Variants in RBFOX1 observed in about 807,000 individuals in gnomAD.
RBFOX1 encodes RNA binding protein fox-1 homolog 1.
Under a neutral mutation model 57.7 loss-of-function variants are expected in RBFOX1, and 8 were observed. That is an observed-to-expected ratio of 0.14 (90% CI 0.08 to 0.25). RBFOX1 has a LOEUF of 0.25. Among genes scored for constraint, RBFOX1 ranks in the 10% least tolerant of loss-of-function variants. The pLI is 1.00. For missense variants in RBFOX1, 611 were observed against 548.5 expected (o/e 1.11, Z -1.14); for synonymous variants, 326 against 222.4 (o/e 1.47, Z -4.15).
chr16:7,179,453 T>G (rs1464482490), intron 4 of RBFOX1, among the ~76,000 whole-genome samples: 1 of 152,210 alleles, frequency 6.6e-6, no homozygotes, highest in Non-Finnish European at 1.5e-5. Flanking sequence ...GGCCTCCTCT[T>G]GAACTGATTT....
chr16:6,161,971 C>G (rs2096882828), intron 1 of RBFOX1, among the ~76,000 whole-genome samples: 2 of 152,196 alleles, frequency 1.3e-5, no homozygotes, highest in African/African-American at 4.8e-5. Context: ...TCACAGCCAA[C>G]TAAGGGTACT....
At chr16:7,343,528 TC>T (rs2096937157) in intron 4 of RBFOX1, among the ~76,000 whole-genome samples, 1 of 152,184 alleles carries the variant, frequency 6.6e-6, no homozygotes, top group Non-Finnish European at 1.5e-5. Flanking sequence ...AATTCATACT[TC>T]CGTCATATTC....
intron 4 of RBFOX1, among the ~76,000 whole-genome samples, chr16:7,517,352 A>G (rs1567625170): frequency 6.6e-6 from 1 of 152,034 alleles, no homozygotes; most frequent in Admixed American, 6.6e-5. Context: ...ATTGTTATAT[A>G]ATACTCTGTG....
At chr16:6,415,477 C>T (rs141747340) in intron 2 of RBFOX1, among the ~76,000 whole-genome samples, 39 of 151,640 alleles carry the variant, frequency 2.6e-4, no homozygotes, top group African/African-American at 6.0e-4. Context: ...TCGAGGAGGG[C>T]GGATCACGAG....
chr16:6,664,469 C>A (rs564341560), intron 3 of RBFOX1, among the ~76,000 whole-genome samples: 1 of 152,304 alleles, frequency 6.6e-6, no homozygotes, highest in East Asian at 1.9e-4. Context: ...GCCTCAGCTC[C>A]TTTGCTCAGT....
chr16:5,313,961 C>T (rs755987827), intron 1 of RBFOX1, among the ~76,000 whole-genome samples: 2 of 152,116 alleles, frequency 1.3e-5, no homozygotes, highest in Non-Finnish European at 2.9e-5. Context: ...TGTGTCCTTT[C>T]TCTGGGTAAG....
chr16:6,413,318 TCAA>T (rs2093523821), intron 2 of RBFOX1, among the ~76,000 whole-genome samples: 1 of 61,450 alleles, frequency 1.6e-5, no homozygotes, highest in East Asian at 4.2e-4. Flanking sequence ...AAACTACATC[TCAA>T]AAAAAAAAAA....
intron 4 of RBFOX1, among the ~76,000 whole-genome samples, chr16:7,190,568 G>T (rs1223228281): frequency 6.6e-6 from 1 of 151,950 alleles, no homozygotes; most frequent in Non-Finnish European, 1.5e-5. Context: ...AGAAGGGAAA[G>T]TAGAGGAGGT....
chr16:6,905,027 G>A (rs974038703), intron 3 of RBFOX1, among the ~76,000 whole-genome samples: 1 of 151,994 alleles, frequency 6.6e-6, no homozygotes, highest in African/African-American at 2.4e-5. Context: ...AGAGTTAGAG[G>A]AATTTTTCAA....
At chr16:5,819,385 C>T (rs1274989222) in intron 3 of RBFOX1, among the ~76,000 whole-genome samples, 1 of 152,180 alleles carries the variant, frequency 6.6e-6, no homozygotes, top group Non-Finnish European at 1.5e-5. Context: ...TAGACCACAG[C>T]ACCTGGGAGG....
At chr16:7,184,436 C>G (rs1479855234) in intron 4 of RBFOX1, among the ~76,000 whole-genome samples, 5 of 152,214 alleles carry the variant, frequency 3.3e-5, no homozygotes. Context: ...ACAAACACCT[C>G]ATGACCCAGG....
intron 2 of RBFOX1, among the ~76,000 whole-genome samples, chr16:5,525,152 G>A (rs966452385): frequency 6.6e-6 from 1 of 152,136 alleles, no homozygotes; most frequent in Non-Finnish European, 1.5e-5. Flanking sequence ...GGATTGTGAT[G>A]CTCCCAGGGC....
At chr16:6,565,584 C>G (rs2097253278) in intron 2 of RBFOX1, among the ~76,000 whole-genome samples, 1 of 151,676 alleles carries the variant, frequency 6.6e-6, no homozygotes, top group South Asian at 2.1e-4. Context: ...TCTCCTGCCT[C>G]AGCCTCCCAA....
Position 5,955,284 on chromosome 16 carries a change from A to AATAAT in RBFOX1, c.351+87953_351+87954insTATAA, listed in dbSNP as rs1486753325. 2.7e-3 allele frequency among the ~76,000 whole-genome samples: 64 copies of AATAAT among 23,896 alleles called. 1 individual carries two copies. Among genetic ancestry groups the AATAAT allele is most frequent in the African/African-American group, 0.016 (61 of 3,720 alleles). The allele number at this position is 23,896 out of a possible 152,430, so 15.7% of individuals were successfully genotyped here. On this transcript the variant is annotated intron_variant, in intron 4 of 19. Transcript: ENST00000641259. Reference sequence around the variant, plus strand: ...TGACAAGAGTGAGACTCTGTCTCCCAATAAAATAAAATAAAATAAAATAAA... The same window carrying AATAAT: ...TGACAAGAGTGAGACTCTGTCTCCCAATAATATAAAATAAAATAAAATAAAATAAA...
At chr16:6,545,144 C>T (rs2096877521) in intron 2 of RBFOX1, among the ~76,000 whole-genome samples, 1 of 152,140 alleles carries the variant, frequency 6.6e-6, no homozygotes, top group Admixed American at 6.5e-5. Context: ...TTCCCTAGCG[C>T]CATTTTTGCC....
At chr16:5,406,165 C>T (rs999995558) in intron 1 of RBFOX1, among the ~76,000 whole-genome samples, 1 of 152,082 alleles carries the variant, frequency 6.6e-6, no homozygotes, top group East Asian at 1.9e-4. Flanking sequence ...TATGTGTCAA[C>T]TTGACTGGGA....
intron 3 of RBFOX1, among the ~76,000 whole-genome samples, chr16:5,746,342 C>T (rs184637097): frequency 6.6e-6 from 1 of 152,134 alleles, no homozygotes; most frequent in Non-Finnish European, 1.5e-5. Flanking sequence ...GTTACTGTAG[C>T]CTTGTAGTAT....
chr16:7,140,865 G>A (rs2073573785), intron 4 of RBFOX1, among the ~76,000 whole-genome samples: 1 of 152,192 alleles, frequency 6.6e-6, no homozygotes. Flanking sequence ...ATTTCATGAA[G>A]CTCTTTTGTG....
chr16:5,979,604 C>T (rs1220600831), intron 4 of RBFOX1, among the ~76,000 whole-genome samples: 1 of 152,196 alleles, frequency 6.6e-6, no homozygotes, highest in African/African-American at 2.4e-5. Context: ...TGGCTCACGC[C>T]TCTAATCTCA....
Sources: gnomAD v4.1 joint callset for allele counts (sites outside exome capture counted in the v4.1 genomes callset) on GRCh38, gnomAD v4.1.1 for gene constraint, MANE v1.5 for transcripts, NCBI Gene and HGNC (gene_info 2026-07-23, HGNC 2026-07-21) for gene names.